ARHGAP22: variants seen among roughly 807,000 people sequenced by gnomAD.
The protein encoded by ARHGAP22 is Rho GTPase activating protein 22, also known as rho GTPase-activating protein 22.
Under a neutral mutation model 59.1 loss-of-function variants are expected in ARHGAP22, and 48 were observed. The observed-to-expected ratio is 0.81, with a 90% CI of 0.64 to 1.03. The LOEUF (loss-of-function observed/expected upper bound fraction) is 1.03. Among genes scored for constraint, ARHGAP22 ranks in the 50% least tolerant of loss-of-function variants. ARHGAP22 has a pLI of 0.00. For synonymous variants in ARHGAP22, 445 were observed against 416.4 expected, an observed-to-expected ratio of 1.07 and a Z score of -0.84; for missense variants, 1,015 against 958.7, an observed-to-expected ratio of 1.06 and a Z score of -0.78.
chr10:48,630,067 G>A (rs866129866), intron 1 of ARHGAP22, among the ~76,000 whole-genome samples: 2 of 151,678 alleles, frequency 1.3e-5, no homozygotes, highest in African/African-American at 4.8e-5. Context: ...ATTGTACTGA[G>A]TCTATATACC....
intron 3 of ARHGAP22, among the ~76,000 whole-genome samples, chr10:48,488,169 A>G (rs1210374362): frequency 6.6e-6 from 1 of 152,180 alleles, no homozygotes; most frequent in African/African-American, 2.4e-5. Flanking sequence ...TCTGCCATTA[A>G]CCCCACCCAG....
intron 3 of ARHGAP22, among the ~76,000 whole-genome samples, chr10:48,531,063 T>C (rs11596336): frequency 0.69 from 105,182 of 152,172 alleles, 37,679 homozygotes; most frequent in Middle Eastern, 0.79. Flanking sequence ...AAATGTAGTA[T>C]ATAAATACCA....
intron 4 of ARHGAP22, among the ~76,000 whole-genome samples, chr10:48,472,287 G>C (rs531468670): frequency 1.9e-3 from 296 of 151,952 alleles, no homozygotes; most frequent in African/African-American, 6.7e-3. Flanking sequence ...ACTTTGGGAG[G>C]CCGAGGCAGG....
intron 3 of ARHGAP22, among the ~76,000 whole-genome samples, chr10:48,524,902 C>T (rs900824977): frequency 6.6e-6 from 1 of 152,148 alleles, no homozygotes; most frequent in Admixed American, 6.5e-5. Flanking sequence ...GTTTCCCCAC[C>T]TATAAAACAG....
intron 1 of ARHGAP22, among the ~76,000 whole-genome samples, chr10:48,627,179 G>C (rs1485206281): frequency 6.6e-6 from 1 of 152,148 alleles, no homozygotes; most frequent in African/African-American, 2.4e-5. Context: ...GTCCTGAGTT[G>C]TGTTCTTTGT....
intron 3 of ARHGAP22, among the ~76,000 whole-genome samples, chr10:48,554,876 G>A (rs1442579676): frequency 6.6e-6 from 1 of 152,156 alleles, no homozygotes; most frequent in Non-Finnish European, 1.5e-5. Flanking sequence ...GCTTCTAGGG[G>A]AGGCCAAGCT....
intron 2 of ARHGAP22, among the ~76,000 whole-genome samples, chr10:48,581,085 C>T (rs767270950): frequency 6.6e-6 from 1 of 152,144 alleles, no homozygotes; most frequent in East Asian, 1.9e-4. Context: ...ATGTACTCTG[C>T]CTTCCCCCAA....
Position 48,560,179 on chromosome 10 carries a change from G to A in ARHGAP22, c.235-4629C>T, listed in dbSNP as rs577691075. Reference sequence around the variant, plus strand: ...ATTTCAAAATTGTCTGGCTATTCTAGGCCCTTTAAATTTCTATATGAATTT... The same window carrying A: ...ATTTCAAAATTGTCTGGCTATTCTAAGCCCTTTAAATTTCTATATGAATTT... On this transcript the variant is annotated intron_variant, in intron 2 of 9. Coordinates refer to ENST00000249601, the MANE Select transcript of ARHGAP22 (RefSeq NM_021226.4). 1.4e-4 allele frequency among the ~76,000 whole-genome samples: 21 copies of A among 152,124 alleles called. No individual in the cohort carries two copies. In the East Asian group the frequency reaches 3.9e-3, roughly 28 times the overall value.
intron 1 of ARHGAP22, among the ~76,000 whole-genome samples, chr10:48,596,897 C>A (rs2060099563): frequency 6.6e-6 from 1 of 152,180 alleles, no homozygotes; most frequent in South Asian, 2.1e-4. Flanking sequence ...TCACACCACA[C>A]ACCTGGGTCT....
intron 9 of ARHGAP22, among the ~76,000 whole-genome samples, chr10:48,448,671 G>A (rs2045599835): frequency 1.4e-5 from 2 of 147,534 alleles, no homozygotes; most frequent in Admixed American, 7.0e-5. Flanking sequence ...GACAGGACAG[G>A]TGCTAATGCC....
chr10:48,594,862 A>C (rs115397343), intron 1 of ARHGAP22, among the ~76,000 whole-genome samples: 14 of 151,602 alleles, frequency 9.2e-5, no homozygotes, highest in East Asian at 5.8e-4. Context: ...GACTTTGCTC[A>C]TGTCCTGCTT....
At chr10:48,492,560 CT>C (rs1287071257) in intron 3 of ARHGAP22, among the ~76,000 whole-genome samples, 66 of 151,618 alleles carry the variant, frequency 4.4e-4, no homozygotes, top group Admixed American at 6.6e-5. Context: ...AAATTACTTT[CT>C]TTTTTTTTCA....
chr10:48,504,984 G>A (rs779150800), intron 3 of ARHGAP22, among the ~76,000 whole-genome samples: 5 of 152,192 alleles, frequency 3.3e-5, no homozygotes, highest in African/African-American at 4.8e-5. Context: ...GCCCAAGCAA[G>A]CAATGGGGAG....
intron 1 of ARHGAP22, among the ~76,000 whole-genome samples, chr10:48,592,756 C>T (rs1159307016): frequency 6.6e-6 from 1 of 152,240 alleles, no homozygotes; most frequent in Non-Finnish European, 1.5e-5. Flanking sequence ...CCAGAACCCA[C>T]TCCTCCCAGG....
At chr10:48,467,177 T>C (rs984096684) in intron 4 of ARHGAP22, among the ~76,000 whole-genome samples, 5 of 152,218 alleles carry the variant, frequency 3.3e-5, no homozygotes, top group Non-Finnish European at 7.3e-5. Context: ...GTCTGAGGGG[T>C]ATTAGCTTCC....
upstream of ARHGAP22, chr10:48,655,993 G>A (rs1013822342): frequency 3.3e-5 from 5 of 152,320 alleles, no homozygotes; most frequent in East Asian, 1.9e-4. Flanking sequence ...GTGGTAAGCG[G>A]GGCCTCCAGC....
intron 5 of ARHGAP22, among the ~76,000 whole-genome samples, chr10:48,457,906 G>C (rs971614129): frequency 6.7e-6 from 1 of 150,346 alleles, no homozygotes; most frequent in Non-Finnish European, 1.5e-5. Context: ...AGTGGGTGAG[G>C]AGGAGACCCT....
At chr10:48,496,860 T>G (rs996942572) in intron 3 of ARHGAP22, among the ~76,000 whole-genome samples, 1 of 151,996 alleles carries the variant, frequency 6.6e-6, no homozygotes, top group Non-Finnish European at 1.5e-5. Flanking sequence ...CTCTGGAGAT[T>G]GGGGGGTAGG....
chr10:48,606,300 C>T (rs1039703763), upstream of ARHGAP22, among the ~76,000 whole-genome samples: 5 of 152,102 alleles, frequency 3.3e-5, no homozygotes, highest in African/African-American at 1.2e-4. Flanking sequence ...GCAGTCCTCC[C>T]TAGGGAACAG....
Sources: allele counts gnomAD v4.1 joint callset (sites outside exome capture counted in the v4.1 genomes callset), GRCh38; gene constraint gnomAD v4.1.1; transcripts MANE v1.5; gene names NCBI Gene and HGNC (gene_info 2026-07-23, HGNC 2026-07-21).